The following SIPA1L1 variants were observed in gnomAD, a reference collection of about 807,000 sequenced individuals.
SIPA1L1 encodes signal induced proliferation associated 1 like 1, also known as signal-induced proliferation-associated 1-like protein 1.
SIPA1L1 carries 26 observed loss-of-function variants against 162.7 expected under a neutral mutation model. The observed-to-expected ratio is 0.16, with a 90% CI of 0.12 to 0.22. The LOEUF is 0.22. Ranked by LOEUF, SIPA1L1 falls within the 10% of genes least tolerant of loss-of-function variation. The pLI is 1.00. For synonymous variants in SIPA1L1, 829 were observed against 837.4 expected, an observed-to-expected ratio of 0.99 and a Z score of 0.17; for missense variants, 1,874 against 2,241.0, an observed-to-expected ratio of 0.84 and a Z score of 3.31.
intron 4 of SIPA1L1, among the ~76,000 whole-genome samples, chr14:71,578,791 A>T (rs1278267759): frequency 6.6e-6 from 1 of 152,242 alleles, no homozygotes; most frequent in East Asian, 1.9e-4. Context: ...ACTCTTTCTT[A>T]TAAAATCCTG....
At chr14:71,407,652 G>A (rs984646588) in intron 2 of SIPA1L1, among the ~76,000 whole-genome samples, 2 of 152,078 alleles carry the variant, frequency 1.3e-5, no homozygotes, top group Non-Finnish European at 2.9e-5. Context: ...GACTACAGGC[G>A]TGTGCCACCA....
chr14:71,381,052 CTTATT>C (rs1315299441), intron 2 of SIPA1L1, among the ~76,000 whole-genome samples: 2 of 152,074 alleles, frequency 1.3e-5, no homozygotes, highest in Admixed American at 1.3e-4. Flanking sequence ...ATTGATATGA[CTTATT>C]TTATTTTATT....
chr14:71,580,614 C>T (rs1243529365), intron 4 of SIPA1L1, among the ~76,000 whole-genome samples: 3 of 152,152 alleles, frequency 2.0e-5, no homozygotes. Flanking sequence ...ATACAGCCTT[C>T]TGTGATTTCA....
chr14:71,398,628 T>C (rs1484796809), intron 2 of SIPA1L1, among the ~76,000 whole-genome samples: 1 of 152,212 alleles, frequency 6.6e-6, no homozygotes, highest in Non-Finnish European at 1.5e-5. Context: ...TCGGAATGAC[T>C]GATAGCACAC....
chr14:71,539,813 G>A (rs1334944536), intron 4 of SIPA1L1, among the ~76,000 whole-genome samples: 1 of 152,214 alleles, frequency 6.6e-6, no homozygotes, highest in African/African-American at 2.4e-5. Context: ...AAGAGTTGGG[G>A]AGGGGGGCAT....
chr14:71,671,382 A>G lies in SIPA1L1; in HGVS notation c.2519A>G (p.Lys840Arg), dbSNP rs1021219324. The G allele has an allele frequency of 6.2e-7, 1 of 1,614,092 alleles. No homozygotes were observed. Reference protein sequence around the residue: ...GKFPFISLASKKKEKSKPYPG... With the variant: ...GKFPFISLASRKKEKSKPYPG... ...TTTCCGTTCATCTCTCTGGCTTCCA[A>G]GAAGAAGGAAAAGTCTAAGCCATAT... The change falls in exon 11 of 24, where the codon AAG becomes AGG. Residue 840 changes from lysine (K) to arginine (R), a missense_variant. This residue lies in a region of SIPA1L1 where 243 missense variants were observed against 315.0 expected (regional missense o/e 0.77). Transcript: ENST00000381232.
rs2048851952 is a variant in SIPA1L1 at position 71,487,320 on chromosome 14, A to AGAGGTCTCTGCCTACC, written c.-464-25423_-464-25422insGAGGTCTCTGCCTACC. ...ATGTTCCCTGGTCTCTGCCTACCGCATCATAGAGAGGAAGTTAAGCAGTGG... is the reference window on the plus strand; with the variant it reads ...ATGTTCCCTGGTCTCTGCCTACCGCAGAGGTCTCTGCCTACCTCATAGAGAGGAAGTTAAGCAGTGG... On this transcript the variant is annotated intron_variant, in intron 2 of 23. Transcript: ENST00000381232. Among the ~76,000 whole-genome samples, 3 of 152,284 alleles carry AGAGGTCTCTGCCTACC rather than the reference A, an allele frequency of 2.0e-5. No individual in the cohort carries two copies. In the South Asian group the frequency reaches 6.2e-4, roughly 32 times the overall value.
intron 2 of SIPA1L1, among the ~76,000 whole-genome samples, chr14:71,334,118 G>T (rs998973802): frequency 6.6e-6 from 1 of 152,198 alleles, no homozygotes; most frequent in South Asian, 2.1e-4. Flanking sequence ...GGTATGAGAT[G>T]CAAGTTGACT....
intron 7 of SIPA1L1, among the ~76,000 whole-genome samples, chr14:71,640,058 C>T (rs995727977): frequency 2.6e-5 from 4 of 152,094 alleles, no homozygotes; most frequent in Non-Finnish European, 5.9e-5. Context: ...TGCATACCAC[C>T]ACACCCGGCT....
At chr14:71,462,135 G>T (rs1263542201) in intron 2 of SIPA1L1, among the ~76,000 whole-genome samples, 1 of 152,208 alleles carries the variant, frequency 6.6e-6, no homozygotes, top group Non-Finnish European at 1.5e-5. Context: ...AGGTTGCATG[G>T]TGACTTGATG....
In SIPA1L1 at chr14:71,377,845, G is replaced by A. The variant is rs988781964; in HGVS notation, c.-465+56664G>A. Among the ~76,000 whole-genome samples, 3 of 152,176 alleles carry A rather than the reference G, an allele frequency of 2.0e-5. No individual in the cohort carries two copies. The highest frequency in any genetic ancestry group is 2.1e-4 in the South Asian group (1 of 4,828). ...ACAAAAACCAGTCAGGCGTGGCGGCGCGTGCCTGCAATCCCAGGCACTCGG... is the reference window on the plus strand; with the variant it reads ...ACAAAAACCAGTCAGGCGTGGCGGCACGTGCCTGCAATCCCAGGCACTCGG... On this transcript the variant is annotated intron_variant, in intron 2 of 23. Transcript: ENST00000381232. This position sits in a 1 kb window ranked among gnomAD's most constrained non-coding sequence, Gnocchi z 4.8.
intron 3 of SIPA1L1, among the ~76,000 whole-genome samples, chr14:71,517,569 T>C (rs2051867196): frequency 6.6e-6 from 1 of 152,216 alleles, no homozygotes; most frequent in Admixed American, 6.5e-5. Context: ...GATGGTAGGA[T>C]ATGCCGTACC....
chr14:71,702,722 G>T (rs768059237), intron 15 of SIPA1L1, among the ~76,000 whole-genome samples: 22 of 152,240 alleles, frequency 1.4e-4, no homozygotes, highest in Admixed American at 5.9e-4. Flanking sequence ...CTGGAAAGGC[G>T]ATAGGAATTA....
chr14:71,362,895 A>T (rs965687064), intron 2 of SIPA1L1, among the ~76,000 whole-genome samples: 1 of 152,200 alleles, frequency 6.6e-6, no homozygotes, highest in African/African-American at 2.4e-5. Context: ...GTATAGGTGA[A>T]TTTTTTGAAA....
intron 2 of SIPA1L1, among the ~76,000 whole-genome samples, chr14:71,511,509 G>C (rs377138888): frequency 6.6e-6 from 1 of 151,692 alleles, no homozygotes; most frequent in African/African-American, 2.4e-5. Flanking sequence ...GGCTGATCTT[G>C]AACTCCTGGG....
chr14:71,715,343 T>C (rs1173264578), intron 17 of SIPA1L1, among the ~76,000 whole-genome samples: 2 of 152,194 alleles, frequency 1.3e-5, no homozygotes, highest in Non-Finnish European at 2.9e-5. Flanking sequence ...ACCATAGGAT[T>C]TTAAGGTGCA....
intron 2 of SIPA1L1, among the ~76,000 whole-genome samples, chr14:71,387,248 C>CA (rs398025583): frequency 0.28 from 14,873 of 53,738 alleles, 3,822 homozygotes; most frequent in African/African-American, 0.29. Context: ...AACTCTGTCT[C>CA]AAAAAAAAAA....
chr14:71,578,163 C>T (rs2033392220), intron 4 of SIPA1L1, among the ~76,000 whole-genome samples: 1 of 152,192 alleles, frequency 6.6e-6, no homozygotes, highest in Non-Finnish European at 1.5e-5. Flanking sequence ...CCCACCTTGG[C>T]CTCCCAAAGT....
intron 2 of SIPA1L1, among the ~76,000 whole-genome samples, chr14:71,469,209 C>A (rs1331960846): frequency 1.3e-5 from 2 of 152,078 alleles, no homozygotes; most frequent in African/African-American, 2.4e-5. Context: ...GGAGTCTCAC[C>A]TCCAAGATAA....
Sources: gnomAD v4.1 joint callset for allele counts (sites outside exome capture counted in the v4.1 genomes callset) on GRCh38, gnomAD v4.1.1 for gene constraint, gnomAD v4.1.1 regional missense constraint, Gnocchi (gnomAD v3.1) non-coding constraint, MANE v1.5 for transcripts, NCBI Gene and HGNC (gene_info 2026-07-23, HGNC 2026-07-21) for gene names.